Variants in TLN2 observed in about 807,000 individuals in gnomAD.
TLN2 encodes the protein talin-2.
In TLN2, 118 loss-of-function variants were observed where a neutral mutation model predicts 294.7. The ratio of observed to expected loss-of-function variants is 0.40; its 90% CI spans 0.34 to 0.47. The LOEUF is 0.47. Ranked by LOEUF, TLN2 falls within the 20% of genes least tolerant of loss-of-function variation. TLN2 has a pLI of 0.84. For synonymous variants in TLN2, 1,431 were observed against 1,304.5 expected, an observed-to-expected ratio of 1.10 and a Z score of -2.09; for missense variants, 3,083 against 3,282.2, an observed-to-expected ratio of 0.94 and a Z score of 1.48.
At chr15:62,434,033 A>G (rs1158497497) in intron 1 of TLN2, among the ~76,000 whole-genome samples, 1 of 138,666 alleles carries the variant, frequency 7.2e-6, no homozygotes, top group African/African-American at 2.7e-5. Context: ...ATTTAGGCTC[A>G]TCTGTCCTCC....
rs1314268954 is a variant in TLN2 at position 62,652,009 on chromosome 15, T to A, written c.239T>A (p.Ile80Asn). The change falls in exon 6 of 59, where the codon ATT becomes AAT. Residue 80 changes from isoleucine (I) to asparagine (N), a missense_variant. Transcript: ENST00000636159. ...TGTATGTGGTTTGTGCTCTAGGATATTTTGGAATATAAAAAGAAACAGAGA... is the reference window on the plus strand; with the variant it reads ...TGTATGTGGTTTGTGCTCTAGGATAATTTGGAATATAAAAAGAAACAGAGA... ...LDYYMLRNGD[I>N]LEYKKKQRPQ... is the part of the protein sequence containing the mutation. The A allele has an allele frequency of 6.2e-7, 1 of 1,608,882 alleles. No individual in the cohort carries two copies. Among genetic ancestry groups the A allele is most frequent in the South Asian group, 1.1e-5 (1 of 90,106 alleles).
Position 62,706,954 on chromosome 15 carries a change from C to T in TLN2, c.2005-132C>T, listed in dbSNP as rs147485387. 1.6e-4 allele frequency: 185 copies of T among 1,130,374 alleles called. 1 individual carries two copies. In the African/African-American group the frequency reaches 2.5e-3, roughly 15 times the overall value. The allele number at this position is 1,130,374 out of a possible 1,614,324, so 70.0% of individuals were successfully genotyped here. On this transcript the variant is annotated intron_variant, in intron 19 of 58. Coordinates refer to ENST00000636159, the MANE Select transcript of TLN2 (RefSeq NM_015059.3). The stretch of plus-strand genomic sequence containing the variant: ...TACTTCTAAGGATAAGTTGACATTT[C>T]AAAAAAAAGTAAAAAAACTTCTAAA...
intron 20 of TLN2, 45 bp from the exon 21 acceptor site, chr15:62,708,457 A>C (rs768602109): frequency 1.3e-6 from 2 of 1,591,272 alleles, no homozygotes; most frequent in Non-Finnish European, 8.6e-7. Context: ...GAGAGGGACC[A>C]GGATTCAACC....
chr15:62,762,016 A>G (rs2062710405), intron 38 of TLN2, among the ~76,000 whole-genome samples, 195 bp downstream of exon 38: 1 of 152,240 alleles, frequency 6.6e-6, no homozygotes. Context: ...ATATATGTAG[A>G]GAACAATCTT....
chr15:62,812,032 A>C (rs2066726248), intron 52 of TLN2, among the ~76,000 whole-genome samples: 1 of 151,188 alleles, frequency 6.6e-6, no homozygotes, highest in Non-Finnish European at 1.5e-5. Context: ...TAAATAAATA[A>C]ATAAATAAAT....
At chr15:62,512,028 T>C (rs118150164) in intron 1 of TLN2, among the ~76,000 whole-genome samples, 1 of 152,260 alleles carries the variant, frequency 6.6e-6, no homozygotes, top group East Asian at 1.9e-4. Flanking sequence ...TCAACTCTAG[T>C]CCTAAATACT....
At chr15:62,501,613 C>T (rs1439675373) in intron 1 of TLN2, among the ~76,000 whole-genome samples, 5 of 152,132 alleles carry the variant, frequency 3.3e-5, no homozygotes, top group Admixed American at 3.3e-4. Flanking sequence ...ATCTGGATTT[C>T]AGAAGTGGCT....
At position 62,727,147 on chromosome 15, in the gene TLN2, C is replaced by T. The variant is rs1391362283; in HGVS notation, c.3316C>T (p.Gln1106Ter). ...TSKAVGSSMAQLLTCAAQGNE... is the reference protein window; with the variant it reads ...TSKAVGSSMA ...CAAGGCGGTGGGCTCCTCCATGGCACAGCTGCTGACCTGTGCTGCTCAAGG... is the reference window on the plus strand; with the variant it reads ...CAAGGCGGTGGGCTCCTCCATGGCATAGCTGCTGACCTGTGCTGCTCAAGG... Residue 1106 changes from glutamine to a stop codon, truncating the protein, a stop_gained, in exon 28 of 59, where the codon CAG becomes TAG. Coordinates refer to ENST00000636159, the MANE Select transcript of TLN2 (RefSeq NM_015059.3). LOFTEE classifies it high-confidence loss of function. 6.2e-7 allele frequency: 1 copy of T among 1,614,108 alleles called. No individual in the cohort carries two copies. The highest frequency in any genetic ancestry group is 8.5e-7 in the Non-Finnish European group (1 of 1,180,046).
intron 54 of TLN2, chr15:62,830,734 T>C (rs981266545): frequency 1.3e-5 from 2 of 152,022 alleles, no homozygotes; most frequent in Admixed American, 6.6e-5. Context: ...TACAGGAAAA[T>C]AGGGACACAG....
At chr15:62,503,478 A>G (rs889521724) in intron 1 of TLN2, among the ~76,000 whole-genome samples, 1 of 152,230 alleles carries the variant, frequency 6.6e-6, no homozygotes, top group Admixed American at 6.5e-5. Flanking sequence ...TTCTTAAGTG[A>G]TTAGTGGTTC....
chr15:62,780,998 A>C, intron 43 of TLN2, 142 bp from the exon 44 acceptor site: 1 of 630,488 alleles, frequency 1.6e-6, no homozygotes, highest in South Asian at 2.0e-5. Flanking sequence ...TCCTTATTGC[A>C]CAAGTTGGGT....
chr15:62,709,255 C>T (rs2059268766), intron 21 of TLN2, among the ~76,000 whole-genome samples: 1 of 152,138 alleles, frequency 6.6e-6, no homozygotes, highest in Non-Finnish European at 1.5e-5. Flanking sequence ...AGGGCCTAGA[C>T]CATGGCCTTT....
chr15:62,436,690 G>GA (rs1401764732), intron 1 of TLN2, among the ~76,000 whole-genome samples: 1 of 152,068 alleles, frequency 6.6e-6, no homozygotes, highest in Non-Finnish European at 1.5e-5. Flanking sequence ...TGTATGGCTT[G>GA]GTTATTTGCT....
intron 1 of TLN2, among the ~76,000 whole-genome samples, chr15:62,585,381 T>C (rs895849362): frequency 6.6e-6 from 1 of 152,190 alleles, no homozygotes; most frequent in Admixed American, 6.5e-5. Context: ...TCACGTATGC[T>C]CTCTCATTTC....
intron 1 of TLN2, among the ~76,000 whole-genome samples, chr15:62,558,203 A>AT (rs774865776): frequency 5.3e-5 from 8 of 152,130 alleles, no homozygotes; most frequent in Non-Finnish European, 7.3e-5. Context: ...TCTCAACTCA[A>AT]TTTTGCATTT....
intron 54 of TLN2, among the ~76,000 whole-genome samples, chr15:62,825,810 ATAT>A (rs1473035047): frequency 0.091 from 311 of 3,432 alleles, 8 homozygotes; most frequent in Middle Eastern, 0.25. Context: ...ATTATATATT[ATAT>A]TATAATATAT....
At chr15:62,813,161 A>G (rs1468258859) in intron 52 of TLN2, among the ~76,000 whole-genome samples, 2 of 152,172 alleles carry the variant, frequency 1.3e-5, no homozygotes, top group African/African-American at 4.8e-5. Context: ...TTCTCTGGTG[A>G]CCATTGACAT....
chr15:62,701,334 A>T, intron 17 of TLN2, 120 bp downstream of exon 17: 7 of 890,902 alleles, frequency 7.9e-6, no homozygotes, highest in Non-Finnish European at 1.2e-5. Flanking sequence ...TTATGAGAGG[A>T]TAGTCTAAGG....
chr15:62,650,515 AG>A (rs2052471668), intron 5 of TLN2, among the ~76,000 whole-genome samples: 1 of 152,174 alleles, frequency 6.6e-6, no homozygotes, highest in African/African-American at 2.4e-5. Context: ...AGAACAAATG[AG>A]AGGGAAAAAC....
Sources: gnomAD v4.1 joint callset for allele counts (sites outside exome capture counted in the v4.1 genomes callset) on GRCh38, gnomAD v4.1.1 for gene constraint, MANE v1.5 for transcripts, NCBI Gene and HGNC (gene_info 2026-07-23, HGNC 2026-07-21) for gene names.